CSRNP3: variants seen among roughly 807,000 people sequenced by gnomAD.
The protein encoded by CSRNP3 is cysteine/serine-rich nuclear protein 3.
Under a neutral mutation model 48.0 loss-of-function variants are expected in CSRNP3, and 12 were observed. That is an observed-to-expected ratio of 0.25 (90% CI 0.16 to 0.41). The LOEUF (loss-of-function observed/expected upper bound fraction) is 0.41, where lower values mean the gene tolerates loss of function less well. Among genes scored for constraint, CSRNP3 ranks in the 10% least tolerant of loss-of-function variants. The probability of loss-of-function intolerance (pLI) is 1.00; values close to 1 mark genes in which losing one functional copy is unlikely to be tolerated. For missense variants in CSRNP3, 580 were observed against 724.4 expected (o/e 0.80, Z 2.29); for synonymous variants, 263 against 269.7 (o/e 0.98, Z 0.24).
chr2:165,513,037 G>A (rs576685174), intron 2 of CSRNP3, among the ~76,000 whole-genome samples: 21 of 151,912 alleles, frequency 1.4e-4, no homozygotes, highest in East Asian at 1.2e-3. Flanking sequence ...CCCAGGAGGC[G>A]GAGGTTGCAG....
intron 5 of CSRNP3, among the ~76,000 whole-genome samples, chr2:165,674,342 G>A (rs559565289): frequency 6.6e-6 from 1 of 152,062 alleles, no homozygotes; most frequent in South Asian, 2.1e-4. Context: ...ACAGAGGATC[G>A]AGTGTATGTT....
At chr2:165,636,555 A>G (rs1383456467) in intron 4 of CSRNP3, among the ~76,000 whole-genome samples, 1 of 152,224 alleles carries the variant, frequency 6.6e-6, no homozygotes, top group African/African-American at 2.4e-5. Context: ...TCAAGATGGA[A>G]CAAGTAATCA....
chr2:165,532,134 A>C lies in CSRNP3; in HGVS notation c.-24+14173A>C, dbSNP rs561639201. Among the ~76,000 whole-genome samples, 17 of 152,194 alleles carry C rather than the reference A, an allele frequency of 1.1e-4. No individual in the cohort carries two copies. The South Asian group carries it at 3.1e-3, about 28-fold the overall frequency. Reference sequence around the variant, plus strand: ...CAGCCGAATTCTACCAGAGGTACAAAGAGGAGCTGGTACCATTCCTTCTGA... The same window carrying C: ...CAGCCGAATTCTACCAGAGGTACAACGAGGAGCTGGTACCATTCCTTCTGA... On this transcript the variant is annotated intron_variant, in intron 3 of 6. Coordinates refer to ENST00000651982, the MANE Select transcript of CSRNP3 (RefSeq NM_001172173.2).
chr2:165,533,407 A>G (rs992643331), intron 3 of CSRNP3, among the ~76,000 whole-genome samples: 1 of 152,086 alleles, frequency 6.6e-6, no homozygotes, highest in African/African-American at 2.4e-5. Context: ...CCAATCCTCC[A>G]TTTACACTGT....
intron 3 of CSRNP3, among the ~76,000 whole-genome samples, chr2:165,522,611 GC>G (rs1684677516): frequency 6.6e-6 from 1 of 151,880 alleles, no homozygotes; most frequent in East Asian, 2.0e-4. Flanking sequence ...GACTGAGCTA[GC>G]CCCTCAATGC....
At chr2:165,577,971 A>C (rs894082643) in intron 3 of CSRNP3, among the ~76,000 whole-genome samples, 27 of 152,072 alleles carry the variant, frequency 1.8e-4, no homozygotes, top group African/African-American at 6.3e-4. Flanking sequence ...CAGAATGTTG[A>C]AAATCATTTG....
intron 4 of CSRNP3, among the ~76,000 whole-genome samples, chr2:165,619,641 G>C (rs995980270): frequency 6.6e-6 from 1 of 152,094 alleles, no homozygotes; most frequent in Non-Finnish European, 1.5e-5. Flanking sequence ...TGAAGAATTA[G>C]AGGCTCAAAT....
At chr2:165,530,243 G>A (rs2105243038) in intron 3 of CSRNP3, among the ~76,000 whole-genome samples, 1 of 152,218 alleles carries the variant, frequency 6.6e-6, no homozygotes, top group East Asian at 1.9e-4. Context: ...AATTTATATA[G>A]TATTTATATA....
At chr2:165,620,622 A>G (rs1686323149) in intron 4 of CSRNP3, among the ~76,000 whole-genome samples, 1 of 152,164 alleles carries the variant, frequency 6.6e-6, no homozygotes, top group Admixed American at 6.5e-5. Context: ...GTTAAAATCA[A>G]CAGTACAAAA....
At chr2:165,567,354 G>A (rs1312733397) in intron 3 of CSRNP3, among the ~76,000 whole-genome samples, 1 of 152,000 alleles carries the variant, frequency 6.6e-6, no homozygotes, top group Non-Finnish European at 1.5e-5. Context: ...TGTAATGATA[G>A]AGACTTAAGG....
chr2:165,469,762 A>G (rs1265933187), intron 1 of CSRNP3, 22 bp downstream of exon 1: 2 of 152,562 alleles, frequency 1.3e-5, no homozygotes, highest in African/African-American at 2.4e-5. Context: ...AAATAAAAAA[A>G]AAGAAAAGAG....
At chr2:165,565,360 T>C (rs1409791841) in intron 3 of CSRNP3, among the ~76,000 whole-genome samples, 1 of 152,114 alleles carries the variant, frequency 6.6e-6, no homozygotes, top group African/African-American at 2.4e-5. Flanking sequence ...TTGAATGAAA[T>C]GTTGATGTTC....
intron 3 of CSRNP3, among the ~76,000 whole-genome samples, chr2:165,567,394 CTG>C (rs984795317): frequency 2.6e-5 from 4 of 152,042 alleles, no homozygotes; most frequent in Admixed American, 6.6e-5. Flanking sequence ...ACTTTCTTCT[CTG>C]TGTCACTTTG....
intron 4 of CSRNP3, among the ~76,000 whole-genome samples, chr2:165,602,928 G>GCT (rs1184375702): frequency 6.6e-6 from 1 of 151,106 alleles, no homozygotes; most frequent in Admixed American, 6.6e-5. Flanking sequence ...ACAGAGTCTC[G>GCT]CTGTCGCCCA....
intron 5 of CSRNP3, among the ~76,000 whole-genome samples, chr2:165,667,945 C>G (rs187741180): frequency 6.6e-6 from 1 of 152,166 alleles, no homozygotes; most frequent in African/African-American, 2.4e-5. Flanking sequence ...TGGCAATATG[C>G]CATAGTGATT....
At chr2:165,556,632 T>C (rs1271546722) in intron 3 of CSRNP3, among the ~76,000 whole-genome samples, 1 of 151,958 alleles carries the variant, frequency 6.6e-6, no homozygotes, top group Non-Finnish European at 1.5e-5. Flanking sequence ...GTGACAAAAA[T>C]AGAACATTTC....
chr2:165,555,248 C>T (rs1229873312), intron 3 of CSRNP3, among the ~76,000 whole-genome samples: 3 of 152,186 alleles, frequency 2.0e-5, no homozygotes, highest in African/African-American at 7.2e-5. Context: ...TTTGCTTTGT[C>T]CCCTTTTTCT....
intron 3 of CSRNP3, among the ~76,000 whole-genome samples, chr2:165,518,192 T>C (rs1005966468): frequency 6.6e-6 from 1 of 151,986 alleles, no homozygotes; most frequent in Non-Finnish European, 1.5e-5. Flanking sequence ...TTCTTATAAT[T>C]TGCTTCATTT....
At chr2:165,537,142 C>T (rs1347205379) in intron 3 of CSRNP3, among the ~76,000 whole-genome samples, 1 of 151,624 alleles carries the variant, frequency 6.6e-6, no homozygotes, top group African/African-American at 2.4e-5. Context: ...GAAGATAAGT[C>T]ACCTTCTTTA....
Sources: allele counts gnomAD v4.1 joint callset (sites outside exome capture counted in the v4.1 genomes callset), GRCh38; gene constraint gnomAD v4.1.1; transcripts MANE v1.5; gene names NCBI Gene and HGNC (gene_info 2026-07-23, HGNC 2026-07-21).